FAM107B: variants seen among roughly 807,000 people sequenced by gnomAD.
The protein encoded by FAM107B is family with sequence similarity 107 member B, also known as protein FAM107B.
A neutral mutation model predicts 31.5 loss-of-function variants in FAM107B; 21 were observed. That is an observed-to-expected ratio of 0.67 (90% CI 0.47 to 0.96). The LOEUF (loss-of-function observed/expected upper bound fraction) is 0.96. FAM107B is among the 40% of genes least tolerant of loss of function. The pLI is 0.00. For missense variants in FAM107B, 452 were observed against 377.1 expected (o/e 1.20, Z -1.64); for synonymous variants, 157 against 141.5 (o/e 1.11, Z -0.78).
chr10:14,521,723 C>G (rs1379735146), intron 4 of FAM107B, 146 bp downstream of exon 4: 71 of 1,221,688 alleles, frequency 5.8e-5, no homozygotes, highest in Non-Finnish European at 7.8e-5. Context: ...ACATATTTGA[C>G]CCCATTTGCT....
At chr10:14,573,800 G>A (rs568929059) in intron 2 of FAM107B, among the ~76,000 whole-genome samples, 7 of 152,000 alleles carry the variant, frequency 4.6e-5, no homozygotes, top group East Asian at 1.9e-4. Flanking sequence ...ATTCCACTAC[G>A]GCAGCATAGA....
intron 1 of FAM107B, among the ~76,000 whole-genome samples, chr10:14,702,363 TA>T (rs1184678520): frequency 2.6e-5 from 4 of 152,232 alleles, no homozygotes; most frequent in African/African-American, 9.6e-5. Context: ...ATGTTTATTT[TA>T]TTTTTTTTGA....
chr10:14,700,223 G>C (rs763857655), intron 1 of FAM107B, among the ~76,000 whole-genome samples: 1 of 152,088 alleles, frequency 6.6e-6, no homozygotes, highest in Non-Finnish European at 1.5e-5. Flanking sequence ...GTGAGCCACC[G>C]CGCCAGGCCA....
intron 1 of FAM107B, among the ~76,000 whole-genome samples, chr10:14,674,382 G>T (rs1017897368): frequency 6.6e-6 from 1 of 152,148 alleles, no homozygotes; most frequent in Admixed American, 6.5e-5. Context: ...AATATACAGG[G>T]GCTGTGTTTT....
At chr10:14,621,849 G>A (rs1021686407) in intron 2 of FAM107B, among the ~76,000 whole-genome samples, 8 of 152,258 alleles carry the variant, frequency 5.3e-5, no homozygotes, top group Admixed American at 1.3e-4. Flanking sequence ...GAAAGGGAAG[G>A]AAAAATTCTT....
At chr10:14,715,070 C>T (rs1855751236) in intron 1 of FAM107B, among the ~76,000 whole-genome samples, 1 of 152,162 alleles carries the variant, frequency 6.6e-6, no homozygotes, top group South Asian at 2.1e-4. Flanking sequence ...AACCCCCTTT[C>T]TTCCAAATAT....
chr10:14,556,797 T>C (rs533761659), intron 2 of FAM107B, among the ~76,000 whole-genome samples: 1 of 149,068 alleles, frequency 6.7e-6, no homozygotes, highest in Non-Finnish European at 1.5e-5. Flanking sequence ...AAGAATGGAC[T>C]TTCCCCCCAT....
chr10:14,773,583 C>T (rs937644323), intron 1 of FAM107B, among the ~76,000 whole-genome samples: 1 of 152,170 alleles, frequency 6.6e-6, no homozygotes, highest in Non-Finnish European at 1.5e-5. Context: ...GAATACTCAA[C>T]AATTAAAATT....
chr10:14,580,633 CA>C (rs1359387817), intron 2 of FAM107B, among the ~76,000 whole-genome samples: 4 of 151,774 alleles, frequency 2.6e-5, no homozygotes, highest in Non-Finnish European at 5.9e-5. Flanking sequence ...ACAGCATGGA[CA>C]AAAGCCTTTA....
At chr10:14,603,406 A>C (rs1852469187) in intron 2 of FAM107B, among the ~76,000 whole-genome samples, 1 of 152,190 alleles carries the variant, frequency 6.6e-6, no homozygotes, top group African/African-American at 2.4e-5. Flanking sequence ...CATCCTATCA[A>C]GTAACTTTGC....
At chr10:14,548,576 C>T in intron 2 of FAM107B, 2 of 985,410 alleles carry the variant, frequency 2.0e-6, no homozygotes, top group Non-Finnish European at 1.2e-6. Context: ...TCAGCTGCCC[C>T]AGATACACAT....
chr10:14,523,134 T>C (rs1845845314), intron 3 of FAM107B, among the ~76,000 whole-genome samples: 1 of 152,272 alleles, frequency 6.6e-6, no homozygotes, highest in African/African-American at 2.4e-5. Flanking sequence ...TATATCTGTC[T>C]GTTTAACTGT....
chr10:14,634,589 TA>T (rs11315297), intron 2 of FAM107B, among the ~76,000 whole-genome samples: 6,206 of 151,484 alleles, frequency 0.041, 191 homozygotes, highest in African/African-American at 0.087. Context: ...GCTGCCAGCT[TA>T]AAAAAAGAAA....
intron 1 of FAM107B, among the ~76,000 whole-genome samples, chr10:14,689,312 C>T (rs1343443371): frequency 1.4e-5 from 2 of 146,788 alleles, no homozygotes; most frequent in East Asian, 2.0e-4. Context: ...CCCAGGAGGT[C>T]GAGGCTGCAC....
chr10:14,567,537 T>C (rs760250408), intron 2 of FAM107B, among the ~76,000 whole-genome samples: 6 of 152,220 alleles, frequency 3.9e-5, no homozygotes, highest in Non-Finnish European at 5.9e-5. Flanking sequence ...ATCAGGATCA[T>C]AGAGAGGCAA....
intron 2 of FAM107B, among the ~76,000 whole-genome samples, chr10:14,559,198 C>T (rs1002970265): frequency 7.9e-5 from 12 of 152,198 alleles, no homozygotes; most frequent in African/African-American, 2.9e-4. Flanking sequence ...AAGTACAACA[C>T]GGCCTGTGCC....
intron 2 of FAM107B, among the ~76,000 whole-genome samples, chr10:14,587,557 A>G: frequency 6.6e-6 from 1 of 152,202 alleles, no homozygotes; most frequent in East Asian, 1.9e-4. Flanking sequence ...ATGAATAAGA[A>G]TTTGTCTTAC....
chr10:14,547,897 CTCTG>C (rs1340748155), intron 2 of FAM107B, among the ~76,000 whole-genome samples: 1 of 152,246 alleles, frequency 6.6e-6, no homozygotes, highest in African/African-American at 2.4e-5. Flanking sequence ...AGGGACACAT[CTCTG>C]TCTGGGTCTT....
rs1852084634 is a variant in FAM107B at position 14,593,503 on chromosome 10, C to G, written c.470-62988G>C. On this transcript the variant is annotated intron_variant, in intron 2 of 4. Transcript: ENST00000181796. ...GACCAGCCTGGCCAATATGGTGAAA[C>G]CCCATGTCTAATAAAAATAAAAATT... Among the ~76,000 whole-genome samples the G allele has an allele frequency of 2.0e-5, 3 of 151,920 alleles. No homozygotes were observed. In the South Asian group the frequency reaches 6.2e-4, roughly 32 times the overall value.
Sources: allele counts gnomAD v4.1 joint callset (sites outside exome capture counted in the v4.1 genomes callset), GRCh38; gene constraint gnomAD v4.1.1; transcripts MANE v1.5; gene names NCBI Gene and HGNC (gene_info 2026-07-23, HGNC 2026-07-21).